The following SMIM27 variants were observed in gnomAD, a reference collection of about 807,000 sequenced individuals.
SMIM27 encodes TOPORS antisense RNA 1 (non-protein coding).
Under a neutral mutation model 1.8 loss-of-function variants are expected in SMIM27, and 3 were observed. The ratio of observed to expected loss-of-function variants is 1.65; its 90% CI spans 0.75 to 4.28. SMIM27 has a LOEUF of 4.28. SMIM27 is among the 30% of genes most tolerant of loss of function. The pLI, the probability that SMIM27 is intolerant of heterozygous loss-of-function variation, is 0.02. For synonymous variants in SMIM27, 19 were observed against 13.9 expected, an observed-to-expected ratio of 1.37 and a Z score of -0.82; for missense variants, 63 against 37.0, an observed-to-expected ratio of 1.70 and a Z score of -1.83.
downstream of SMIM27, among the ~76,000 whole-genome samples, chr9:32,554,146 G>A (rs979036225): frequency 5.3e-5 from 8 of 152,060 alleles, no homozygotes; most frequent in African/African-American, 1.9e-4. Flanking sequence ...GAAATAATAG[G>A]GAAATTTTCA....
downstream of SMIM27, among the ~76,000 whole-genome samples, chr9:32,554,125 T>C (rs1199046131): frequency 1.3e-5 from 2 of 152,176 alleles, no homozygotes; most frequent in African/African-American, 4.8e-5. Context: ...TTCAAAATTT[T>C]AAGGTATAGT....
downstream of SMIM27, among the ~76,000 whole-genome samples, chr9:32,554,860 C>CAAA (rs200637896): frequency 0.012 from 1,844 of 152,216 alleles, 38 homozygotes; most frequent in African/African-American, 0.041. Context: ...AACTATTTAG[C>CAAA]AAAATATCTC....
chr9:32,557,294 G>C (rs975033286), downstream of SMIM27, among the ~76,000 whole-genome samples: 5 of 149,852 alleles, frequency 3.3e-5, no homozygotes. Context: ...CCTCCAGGTA[G>C]CTGGGATTAC....
At chr9:32,565,009 C>T (rs1363218381) in intron 1 of SMIM27, among the ~76,000 whole-genome samples, 1 of 152,152 alleles carries the variant, frequency 6.6e-6, no homozygotes, top group Non-Finnish European at 1.5e-5. Flanking sequence ...AACAATTCAG[C>T]AGGCCAGGTG....
At chr9:32,552,582 G>C (rs1370826658) in intron 1 of SMIM27, 103 bp downstream of exon 1, 2 of 1,024,960 alleles carry the variant, frequency 2.0e-6, no homozygotes, top group Admixed American at 2.0e-5. Context: ...ATCCATTCCT[G>C]AATTAAGCAT....
At chr9:32,552,503 C>G (rs1040475490) in intron 1 of SMIM27, 24 bp downstream of exon 1, 1 of 1,570,878 alleles carries the variant, frequency 6.4e-7, no homozygotes, top group African/African-American at 1.4e-5. Flanking sequence ...ATCGCGGGCC[C>G]CCACCGTGTC....
intron 1 of SMIM27, among the ~76,000 whole-genome samples, chr9:32,560,141 A>C (rs1248404289): frequency 6.6e-6 from 1 of 152,242 alleles, no homozygotes; most frequent in African/African-American, 2.4e-5. Flanking sequence ...CAAAGGAGTG[A>C]GCTGAAGCAA....
intron 1 of SMIM27, chr9:32,558,991 T>A: frequency 6.9e-7 from 1 of 1,450,694 alleles, no homozygotes; most frequent in Non-Finnish European, 9.5e-7. Flanking sequence ...ATTATGGTGT[T>A]AAGAGTTTCT....
chr9:32,563,526 G>C (rs1425810263), intron 1 of SMIM27, among the ~76,000 whole-genome samples: 1 of 136,502 alleles, frequency 7.3e-6, no homozygotes, highest in Non-Finnish European at 1.6e-5. Context: ...GTCTCATTAT[G>C]TTGCCCAGGT....
rs552192519 is a variant in SMIM27, at chr9:32,552,523, G to T, written c.45+44G>T. On this transcript the variant is annotated intron_variant, in intron 1 of 1. Transcript: ENST00000692500. Reference sequence around the variant, plus strand: ...GGGCCCCCACCGTGTCGACTCACTGGGCCCGCAGGCGGAAAGGCCCTATTT... The same window carrying T: ...GGGCCCCCACCGTGTCGACTCACTGTGCCCGCAGGCGGAAAGGCCCTATTT... 5 of 1,547,016 alleles carry T rather than the reference G, an allele frequency of 3.2e-6. No individual in the cohort carries two copies. The East Asian group carries it at 9.4e-5, about 29-fold the overall frequency.
chr9:32,553,849 T>C, downstream of SMIM27: 4 of 1,456,156 alleles, frequency 2.7e-6, no homozygotes, highest in Non-Finnish European at 3.8e-6. Flanking sequence ...CTTAGGCTCA[T>C]AAGCCTTTTA....
chr9:32,552,319 G>T, upstream of SMIM27: 1 of 1,447,598 alleles, frequency 6.9e-7, no homozygotes, highest in African/African-American at 1.4e-5. Flanking sequence ...GCGAGTGGGC[G>T]GGCGCTCGTG....
chr9:32,558,810 A>G, intron 1 of SMIM27: 1 of 805,574 alleles, frequency 1.2e-6, no homozygotes, highest in East Asian at 2.6e-5. Flanking sequence ...ACCGAAAGTG[A>G]GAAGGAAAGA....
Position 32,559,804 on chromosome 9 carries a change from T to C in SMIM27, c.46-6587T>C, listed in dbSNP as rs113189501. On this transcript the variant is annotated intron_variant, in intron 1 of 1. Coordinates refer to the SMIM27 transcript ENST00000451672. Reference sequence around the variant, plus strand: ...ATATACCTCTTTGTTTATATATTTATTACCAGTCTCTAAAACTAAACATTT... The same window carrying C: ...ATATACCTCTTTGTTTATATATTTACTACCAGTCTCTAAAACTAAACATTT... Among the ~76,000 whole-genome samples, 78 of 152,328 alleles carry C rather than the reference T, an allele frequency of 5.1e-4. 2 individuals carry two copies. The highest frequency in any genetic ancestry group is 1.8e-3 in the African/African-American group (76 of 41,568).
downstream of SMIM27, among the ~76,000 whole-genome samples, chr9:32,556,375 G>T (rs1228943706): frequency 6.6e-6 from 1 of 152,224 alleles, no homozygotes; most frequent in African/African-American, 2.4e-5. Flanking sequence ...CCGTATCTTT[G>T]TATCACAATC....
chr9:32,551,618 C>A, upstream of SMIM27: 1 of 268,384 alleles, frequency 3.7e-6, no homozygotes, highest in South Asian at 3.3e-5. Context: ...ACGTCTAGAG[C>A]CTAAGCGGCC....
At chr9:32,551,351 T>A (rs41274001), upstream of SMIM27, 8,161 of 362,300 alleles carry the variant, frequency 0.023, 143 homozygotes, top group Middle Eastern at 0.052. Flanking sequence ...TTAGATGGAC[T>A]TGAAGTCTCT....
intron 1 of SMIM27, among the ~76,000 whole-genome samples, chr9:32,563,880 C>G (rs1249497934): frequency 6.6e-6 from 1 of 152,218 alleles, no homozygotes; most frequent in Non-Finnish European, 1.5e-5. Context: ...CAAGCTGACT[C>G]TGTGTCCTTT....
At chr9:32,560,869 AT>A (rs1713911957) in intron 1 of SMIM27, among the ~76,000 whole-genome samples, 1 of 152,180 alleles carries the variant, frequency 6.6e-6, no homozygotes, top group South Asian at 2.1e-4. Flanking sequence ...TAGGAAAAAA[AT>A]ATGTTTTTAT....
Sources: allele counts gnomAD v4.1 joint callset (sites outside exome capture counted in the v4.1 genomes callset), GRCh38; gene constraint gnomAD v4.1.1; transcripts MANE v1.5; gene names NCBI Gene and HGNC (gene_info 2026-07-23, HGNC 2026-07-21).